The following CSMD1 variants were observed in gnomAD, a reference collection of about 807,000 sequenced individuals.
CSMD1 encodes CUB and sushi domain-containing protein 1.
A neutral mutation model predicts 417.5 loss-of-function variants in CSMD1; 213 were observed. The ratio of observed to expected loss-of-function variants is 0.51; its 90% CI spans 0.46 to 0.57. The LOEUF is 0.57. CSMD1 is among the 20% of genes least tolerant of loss of function. CSMD1 has a pLI of 0.00. For synonymous variants in CSMD1, 2,862 were observed against 1,736.8 expected, an observed-to-expected ratio of 1.65 and a Z score of -16.11; for missense variants, 6,923 against 4,529.7, an observed-to-expected ratio of 1.53 and a Z score of -15.17.
At chr8:3,246,223 A>G (rs1469785786) in intron 26 of CSMD1, among the ~76,000 whole-genome samples, 1 of 152,112 alleles carries the variant, frequency 6.6e-6, no homozygotes. Context: ...CCTGCCACAC[A>G]TCCACTGTGC....
chr8:4,766,601 G>T (rs762390133), intron 1 of CSMD1, among the ~76,000 whole-genome samples: 1 of 152,142 alleles, frequency 6.6e-6, no homozygotes, highest in Non-Finnish European at 1.5e-5. Context: ...CATTTATTGC[G>T]TGTTTACTGA....
intron 11 of CSMD1, among the ~76,000 whole-genome samples, chr8:3,483,204 G>C (rs930522728): frequency 1.3e-5 from 2 of 151,962 alleles, no homozygotes; most frequent in Admixed American, 1.3e-4. Context: ...TAATATAATT[G>C]ATGAAGCTAT....
intron 26 of CSMD1, among the ~76,000 whole-genome samples, chr8:3,273,185 A>G (rs1802000980): frequency 6.6e-6 from 1 of 150,848 alleles, no homozygotes; most frequent in Non-Finnish European, 1.5e-5. Flanking sequence ...GTCTATTGAG[A>G]TAATCATGTG....
intron 3 of CSMD1, among the ~76,000 whole-genome samples, chr8:4,265,807 T>A (rs1804196915): frequency 9.5e-6 from 1 of 105,074 alleles, no homozygotes. Context: ...TTATAAACTC[T>A]CACCATTTAC....
intron 1 of CSMD1, among the ~76,000 whole-genome samples, chr8:4,837,920 CT>C (rs1800598464): frequency 6.6e-6 from 1 of 151,876 alleles, no homozygotes; most frequent in South Asian, 2.1e-4. Flanking sequence ...TAAAAATAAA[CT>C]AAAAGACAGA....
At chr8:3,351,021 C>T (rs576006071) in intron 21 of CSMD1, among the ~76,000 whole-genome samples, 9 of 152,334 alleles carry the variant, frequency 5.9e-5, no homozygotes, top group African/African-American at 2.2e-4. Context: ...AAGCAACTCA[C>T]CATCCTTCTA....
At chr8:4,508,467 T>A (rs1802648601) in intron 2 of CSMD1, among the ~76,000 whole-genome samples, 1 of 152,202 alleles carries the variant, frequency 6.6e-6, no homozygotes, top group South Asian at 2.1e-4. Context: ...AGAATTTTAT[T>A]CCAGAATTTA....
At position 3,029,366 on chromosome 8, in the gene CSMD1, T is replaced by C; in HGVS notation, c.7808A>G (p.Gln2603Arg). 1 of 1,611,384 alleles carries C rather than the reference T, an allele frequency of 6.2e-7. No homozygotes were observed. Among genetic ancestry groups the C allele is most frequent in the Non-Finnish European group, 8.5e-7 (1 of 1,179,448 alleles). Residue 2603 changes from glutamine (Q) to arginine (R), a missense_variant, in exon 51 of 70, where the codon CAG becomes CGG. Transcript: ENST00000635120. ...TCCTATGTTCCACGTCCCATTGGCC[T>C]GGCACCGCAGGAGCCTCCAGCCTTC... is the stretch of plus-strand genomic sequence containing the variant. ...YLEGWRLLRC[Q>R]ANGTWNIGDE... is the part of the protein sequence containing the mutation.
intron 48 of CSMD1, among the ~76,000 whole-genome samples, chr8:3,089,384 C>T (rs1183484578): frequency 4.6e-5 from 7 of 152,238 alleles, no homozygotes; most frequent in Admixed American, 6.5e-5. Context: ...ATTCAGCCTG[C>T]GCTTAGCACA....
chr8:4,416,211 G>A (rs900382280), intron 3 of CSMD1, among the ~76,000 whole-genome samples: 2 of 152,116 alleles, frequency 1.3e-5, no homozygotes, highest in African/African-American at 4.8e-5. Flanking sequence ...CAGAGCTGCT[G>A]CTTTCTATCC....
intron 3 of CSMD1, among the ~76,000 whole-genome samples, chr8:4,133,584 A>T (rs1803240279): frequency 6.6e-6 from 1 of 152,210 alleles, no homozygotes; most frequent in South Asian, 2.1e-4. Context: ...TAACGCCGAT[A>T]TGTGTAATAA....
At chr8:4,022,373 C>T (rs1464011423) in intron 4 of CSMD1, among the ~76,000 whole-genome samples, 1 of 151,934 alleles carries the variant, frequency 6.6e-6, no homozygotes, top group East Asian at 1.9e-4. Context: ...CATGAAGCAA[C>T]ACTGTAAAAA....
At position 3,801,510 on chromosome 8, in the gene CSMD1, G is replaced by A. The variant is rs115420996; in HGVS notation, c.819-47468C>T. Reference sequence around the variant, plus strand: ...GGATGTAGAGAATTGGAACCCTCTCGTGTTGCTTGTCGGAAAGTAAAATGT... The same window carrying A: ...GGATGTAGAGAATTGGAACCCTCTCATGTTGCTTGTCGGAAAGTAAAATGT... On this transcript the variant is annotated intron_variant, in intron 5 of 69. Transcript: ENST00000635120. Among the ~76,000 whole-genome samples the A allele has an allele frequency of 8.3e-3, 1,261 of 152,230 alleles. 18 individuals are homozygous for A. The highest frequency in any genetic ancestry group is 0.029 in the African/African-American group (1,194 of 41,532).
intron 1 of CSMD1, among the ~76,000 whole-genome samples, chr8:4,716,640 G>T (rs1485526824): frequency 1.3e-5 from 2 of 152,106 alleles, no homozygotes; most frequent in Non-Finnish European, 2.9e-5. Flanking sequence ...CGAATTCCTG[G>T]CCTATTCAGC....
chr8:4,780,797 C>A (rs749192395), intron 1 of CSMD1, among the ~76,000 whole-genome samples: 2 of 152,154 alleles, frequency 1.3e-5, no homozygotes, highest in East Asian at 1.9e-4. Context: ...TTAGCTCCCC[C>A]GTCTCAGTGA....
chr8:3,492,164 TG>T (rs1291301715), intron 11 of CSMD1, among the ~76,000 whole-genome samples: 1 of 152,114 alleles, frequency 6.6e-6, no homozygotes, highest in Non-Finnish European at 1.5e-5. Context: ...CGGGTGGGCG[TG>T]GGTTTCAGGA....
chr8:3,562,720 T>A (rs1032815180), intron 10 of CSMD1, among the ~76,000 whole-genome samples: 1 of 151,778 alleles, frequency 6.6e-6, no homozygotes, highest in Non-Finnish European at 1.5e-5. Context: ...AAGAGTTACA[T>A]GTTAAACAAC....
At chr8:4,949,578 C>T (rs1452725519) in intron 1 of CSMD1, among the ~76,000 whole-genome samples, 2 of 152,156 alleles carry the variant, frequency 1.3e-5, no homozygotes, top group Admixed American at 1.3e-4. Context: ...TCCAGTGATG[C>T]TGCCAAAGTT....
chr8:4,866,248 A>G (rs967170737), intron 1 of CSMD1, among the ~76,000 whole-genome samples: 1 of 151,954 alleles, frequency 6.6e-6, no homozygotes, highest in African/African-American at 2.4e-5. Context: ...CTTGAAATTC[A>G]CATTAAATCT....
Sources: gnomAD v4.1 joint callset for allele counts (sites outside exome capture counted in the v4.1 genomes callset) on GRCh38, gnomAD v4.1.1 for gene constraint, MANE v1.5 for transcripts, NCBI Gene and HGNC (gene_info 2026-07-23, HGNC 2026-07-21) for gene names.